SCN9A: variants seen among roughly 807,000 people sequenced by gnomAD.
The protein encoded by SCN9A is sodium channel protein type 9 subunit alpha.
Under a neutral mutation model 187.0 loss-of-function variants are expected in SCN9A, and 131 were observed. The observed-to-expected ratio is 0.70, with a 90% confidence interval of 0.61 to 0.81. The LOEUF (loss-of-function observed/expected upper bound fraction) is 0.81. SCN9A is among the 30% of genes least tolerant of loss of function. The pLI is 0.00. For synonymous variants in SCN9A, 809 were observed against 808.6 expected, an observed-to-expected ratio of 1.00 and a Z score of -0.01; for missense variants, 2,252 against 2,396.6, an observed-to-expected ratio of 0.94 and a Z score of 1.26.
At chr2:166,252,204 T>C (rs1303207908) in intron 17 of SCN9A, among the ~76,000 whole-genome samples, 1 of 151,968 alleles carries the variant, frequency 6.6e-6, no homozygotes, top group East Asian at 1.9e-4. Context: ...CCACATCTTA[T>C]TTTTTAAATT....
intron 24 of SCN9A, 25 bp from the exon 25 acceptor site, chr2:166,204,489 T>C: frequency 6.9e-7 from 1 of 1,441,338 alleles, no homozygotes; most frequent in Non-Finnish European, 9.5e-7. Context: ...AAAAAATAAA[T>C]GTAGTTAAAA....
intron 7 of SCN9A, chr2:166,301,196 A>G (rs1391545658): frequency 6.7e-6 from 1 of 148,174 alleles, no homozygotes; most frequent in African/African-American, 2.5e-5. Context: ...ATTAAATTTG[A>G]TTAAAGGCTG....
At chr2:166,291,440 G>GA (rs1311958698) in intron 9 of SCN9A, among the ~76,000 whole-genome samples, 3 of 152,090 alleles carry the variant, frequency 2.0e-5, no homozygotes, top group African/African-American at 7.2e-5. Flanking sequence ...CAAACAAATG[G>GA]AAAAACATTC....
At chr2:166,222,655 G>A (rs1448284654) in intron 24 of SCN9A, among the ~76,000 whole-genome samples, 4 of 139,846 alleles carry the variant, frequency 2.9e-5, no homozygotes, top group East Asian at 4.2e-4. Flanking sequence ...CAACAAGGCC[G>A]GGCGTGGTGG....
intron 7 of SCN9A, among the ~76,000 whole-genome samples, chr2:166,295,265 C>T (rs563176892): frequency 7.9e-5 from 12 of 152,190 alleles, no homozygotes; most frequent in South Asian, 2.1e-4. Flanking sequence ...AGGCAGGGGC[C>T]GGATCATGTC....
chr2:166,272,836 TA>T lies in SCN9A; in HGVS notation c.2913del (p.Phe971LeufsTer22). Reference sequence around the variant, plus strand: ...TCAATTGCTGTAAGATTGTCTGAACTAAATGAGCTCAATAATAAGGCCAGAA... The same window carrying T: ...TCAATTGCTGTAAGATTGTCTGAACTAATGAGCTCAATAATAAGGCCAGAA... ...NLFLALLLSS[F>X]SSDNLTAIEE... On this transcript the variant is annotated frameshift_variant, in exon 17 of 27. Transcript: ENST00000642356. LOFTEE classifies it high-confidence loss of function. 1 of 1,510,456 alleles carries T rather than the reference TA, an allele frequency of 6.6e-7. No homozygotes were observed. Among genetic ancestry groups the T allele is most frequent in the Non-Finnish European group, 8.8e-7 (1 of 1,132,734 alleles). The allele number at this position is 1,510,456 out of a possible 1,614,324, so 93.6% of individuals were successfully genotyped here.
chr2:166,253,680 G>A lies in SCN9A; in HGVS notation c.3352-1795C>T, dbSNP rs202073527. ...TAATGGCTTCAATTCCTGACCTCTCGGCTGCACGTGAACTATCACCAGAGA... is the reference window on the plus strand; with the variant it reads ...TAATGGCTTCAATTCCTGACCTCTCAGCTGCACGTGAACTATCACCAGAGA... On this transcript the variant is annotated intron_variant, in intron 17 of 26. Transcript: ENST00000642356. 2.1e-4 allele frequency among the ~76,000 whole-genome samples: 32 copies of A among 151,582 alleles called. No individual in the cohort carries two copies. In the East Asian group the frequency reaches 4.1e-3, roughly 19 times the overall value.
intron 13 of SCN9A, among the ~76,000 whole-genome samples, chr2:166,281,122 G>A (rs903759443): frequency 6.6e-6 from 1 of 152,102 alleles, no homozygotes; most frequent in Non-Finnish European, 1.5e-5. Flanking sequence ...CATTTATTTA[G>A]GAGATGAGTA....
At position 166,288,544 on chromosome 2, in the gene SCN9A, T is replaced by C. The variant is rs746956041; in HGVS notation, c.1207A>G (p.Met403Val). ...LINLILAVVA[M>V]AYEEQNQANI... ...GCCTGGTTCTGTTCTTCATATGCCA[T>C]GGCAACCACAGCCAGGATCAAGTTT... Residue 403 changes from methionine (M) to valine (V), a missense_variant, in exon 10 of 27, where the codon ATG becomes GTG. Physicochemically the swap from Met to Val is conservative, Grantham distance 21. Around this residue, in one of 7 missense-constraint regions of SCN9A, gnomAD observed 1,013 missense variants for 997.4 expected, o/e 1.02. Transcript: ENST00000642356. 2 of 1,613,052 alleles carry C rather than the reference T, an allele frequency of 1.2e-6. No homozygotes were observed. The highest frequency in any genetic ancestry group is 1.7e-5 in the Admixed American group (1 of 59,952).
intron 1 of SCN9A, among the ~76,000 whole-genome samples, chr2:166,359,033 A>C (rs562658586): frequency 6.6e-6 from 1 of 152,316 alleles, no homozygotes; most frequent in South Asian, 2.1e-4. Context: ...CAACCTATTT[A>C]AGATGCTACC....
chr2:166,277,030 T>G lies in SCN9A; in HGVS notation c.2827A>C (p.Met943Leu), dbSNP rs12478318. 17,352 of 1,613,876 alleles carry G rather than the reference T, an allele frequency of 0.011. 1,236 individuals carry two copies. In the Admixed American group the frequency reaches 0.17, roughly 16 times the overall value. ...WDCMEVAGQA[M>L]CLIVYMMVMV... ...ACCATCATGTAAACAATAAGGCACA[T>G]AGCTTGACCAGCGACCTCCATACAG... Residue 943 changes from methionine (M) to leucine (L), a missense_variant, in exon 16 of 27, where the codon ATG (methionine) becomes CTG (leucine). Coordinates refer to ENST00000642356, the MANE Select transcript of SCN9A (RefSeq NM_001365536.1).
intron 24 of SCN9A, 61 bp from the exon 25 acceptor site, chr2:166,204,525 A>ATAGAT: frequency 9.6e-7 from 1 of 1,041,934 alleles, no homozygotes; most frequent in Non-Finnish European, 1.4e-6. Context: ...ACATCTTTCT[A>ATAGAT]TAGATTACTA....
Position 166,199,436 on chromosome 2 carries a change from C to A in SCN9A, c.5203G>T (p.Val1735Phe). ...TAACTAACAAAGTAGAATATTCCAA[C>A]AGATGGGTTACCACAGTCTCCTTCA... ...SVEGDCGNPS[V>F]GIFYFVSYII... The change falls in exon 27 of 27, where the codon GTT becomes TTT. Residue 1735 changes from valine to phenylalanine, a missense_variant. Around this residue, in one of 7 missense-constraint regions of SCN9A, gnomAD observed 345 missense variants for 344.6 expected, o/e 1.00. Coordinates refer to ENST00000642356, the MANE Select transcript of SCN9A (RefSeq NM_001365536.1). The A allele has an allele frequency of 6.2e-7, 1 of 1,614,186 alleles. No individual in the cohort carries two copies. The highest frequency in any genetic ancestry group is 8.5e-7 in the Non-Finnish European group (1 of 1,180,032).
Position 166,286,343 on chromosome 2 carries a change from G to T in SCN9A, c.1595C>A (p.Pro532His). 6.2e-7 allele frequency: 1 copy of T among 1,607,152 alleles called. No individual in the cohort carries two copies. The highest frequency in any genetic ancestry group is 1.1e-5 in the South Asian group (1 of 88,978). Residue 532 changes from proline (P) to histidine (H), a missense_variant, in exon 11 of 27, where the codon CCC becomes CAC. Around this residue, in one of 7 missense-constraint regions of SCN9A, gnomAD observed 1,013 missense variants for 997.4 expected, o/e 1.02. Coordinates refer to ENST00000642356, the MANE Select transcript of SCN9A (RefSeq NM_001365536.1). ...TAGCAATTTGGGTGGTACCTGATTG[G>T]GGGTAGACAACCTCTTTTCATGTGC... Reference protein sequence around the residue: ...RRAHEKRLSTPNQSPLSIRGS... With the variant: ...RRAHEKRLSTHNQSPLSIRGS...
chr2:166,284,974 G>T, intron 11 of SCN9A, 150 bp from the exon 12 acceptor site: 1 of 796,158 alleles, frequency 1.3e-6, no homozygotes, highest in Non-Finnish European at 1.9e-6. Context: ...AATTCAGTGA[G>T]AAGAAAACTT....
chr2:166,201,848 A>G (rs983825479), intron 26 of SCN9A, among the ~76,000 whole-genome samples: 1 of 151,576 alleles, frequency 6.6e-6, no homozygotes, highest in African/African-American at 2.4e-5. Flanking sequence ...TCTTCTTTAT[A>G]GTTTTTTACC....
At chr2:166,201,447 TGC>T (rs1442441094) in intron 26 of SCN9A, among the ~76,000 whole-genome samples, 6 of 133,956 alleles carry the variant, frequency 4.5e-5, no homozygotes, top group African/African-American at 1.6e-4. Flanking sequence ...GTATAGAGTA[TGC>T]GTATACTATA....
chr2:166,277,947 C>T (rs1697310588), intron 15 of SCN9A, 193 bp downstream of exon 15: 2 of 502,324 alleles, frequency 4.0e-6, no homozygotes, highest in Non-Finnish European at 6.9e-6. Flanking sequence ...AGCATGTCTT[C>T]AAAAATTGTA....
At chr2:166,290,662 A>T (rs1249197901) in intron 9 of SCN9A, among the ~76,000 whole-genome samples, 2 of 152,096 alleles carry the variant, frequency 1.3e-5, no homozygotes, top group South Asian at 4.1e-4. Context: ...TTTCTTAATG[A>T]TCACTGATGT....
Sources: allele counts gnomAD v4.1 joint callset (sites outside exome capture counted in the v4.1 genomes callset), GRCh38; gene constraint gnomAD v4.1.1; regional missense constraint gnomAD v4.1.1; transcripts MANE v1.5; gene names NCBI Gene and HGNC (gene_info 2026-07-23, HGNC 2026-07-21).